Variants in SDK1 observed in about 807,000 individuals in gnomAD.
SDK1 encodes the protein protein sidekick-1.
A neutral mutation model predicts 245.5 loss-of-function variants in SDK1; 157 were observed. That is an observed-to-expected ratio of 0.64 (90% CI 0.56 to 0.73). The LOEUF (loss-of-function observed/expected upper bound fraction) is 0.73, where lower values mean the gene tolerates loss of function less well. SDK1 is among the 30% of genes least tolerant of loss of function. The pLI is 0.00. For synonymous variants in SDK1, 1,647 were observed against 1,278.5 expected (o/e 1.29, Z -6.15); for missense variants, 3,583 against 3,002.3 (o/e 1.19, Z -4.52).
In SDK1 at chr7:3,723,943, T is replaced by TAG. The variant is rs542853903; in HGVS notation, c.713+81872_713+81873dup. Among the ~76,000 whole-genome samples, 700 of 89,656 alleles carry TAG rather than the reference T, an allele frequency of 7.8e-3. 15 individuals carry two copies. The highest frequency in any genetic ancestry group is 0.013 in the South Asian group (35 of 2,618). 58.8% of individuals were successfully genotyped at this position (89,656 alleles called of 152,430 possible). ...ATACACGTATATATATATATATATA[T>TAG]AGAGAGAGAGAGAGAGAGAGAGAGA... On this transcript the variant is annotated intron_variant, in intron 4 of 44. Coordinates refer to ENST00000404826, the MANE Select transcript of SDK1 (RefSeq NM_152744.4).
intron 5 of SDK1, among the ~76,000 whole-genome samples, chr7:3,940,329 TGCTTCTGTATA>T (rs1231608166): frequency 6.6e-6 from 1 of 152,268 alleles, no homozygotes; most frequent in Non-Finnish European, 1.5e-5. Context: ...TCAGGACTTC[TGCTTCTGTATA>T]GCTCTGCATT....
chr7:3,916,640 CT>C (rs1458444569), intron 5 of SDK1, among the ~76,000 whole-genome samples: 1 of 152,194 alleles, frequency 6.6e-6, no homozygotes, highest in Non-Finnish European at 1.5e-5. Flanking sequence ...TTTGCCTGTA[CT>C]TTGCCTCTGT....
intron 5 of SDK1, among the ~76,000 whole-genome samples, chr7:3,914,237 G>C (rs772233785): frequency 1.3e-5 from 2 of 152,112 alleles, no homozygotes; most frequent in Non-Finnish European, 2.9e-5. Context: ...CATTATTACC[G>C]TACTTGCCTA....
chr7:3,989,084 C>G (rs7795699), intron 14 of SDK1, among the ~76,000 whole-genome samples: 69,922 of 152,146 alleles, frequency 0.46, 18,554 homozygotes, highest in African/African-American at 0.74. Flanking sequence ...ACGTAAGCTG[C>G]CGGCCTCCCT....
intron 22 of SDK1, among the ~76,000 whole-genome samples, chr7:4,100,846 C>CGGGTGAGAT (rs1011925513): frequency 6.6e-6 from 1 of 152,130 alleles, no homozygotes; most frequent in Non-Finnish European, 1.5e-5. Flanking sequence ...GAATTGGAGT[C>CGGGTGAGAT]GGGTGAGATG....
chr7:4,217,055 ACCACCCGGAGCACCAGG>A lies in SDK1; in HGVS notation c.5540-3038_5540-3022del, dbSNP rs1562445364. On this transcript the variant is annotated intron_variant, in intron 38 of 44. Transcript: ENST00000404826. Reference sequence around the variant, plus strand: ...AGCACCAGGCCACCCGGAGCACCACACCACCCGGAGCACCAGGCCACCCGGAGCACCACACCACCCGG... The same window carrying A: ...AGCACCAGGCCACCCGGAGCACCACACCACCCGGAGCACCACACCACCCGG... Among the ~76,000 whole-genome samples, 9 of 18,550 alleles carry A rather than the reference ACCACCCGGAGCACCAGG, an allele frequency of 4.9e-4. 1 individual carries two copies. The highest frequency in any genetic ancestry group is 4.1e-3 in the South Asian group (1 of 246). The allele number at this position is 18,550 out of a possible 152,430, so 12.2% of individuals were successfully genotyped here.
At chr7:4,246,126 TGCTCCAAG>T (rs1303691759) in intron 44 of SDK1, among the ~76,000 whole-genome samples, 1 of 152,156 alleles carries the variant, frequency 6.6e-6, no homozygotes, top group Non-Finnish European at 1.5e-5. Context: ...GCAGTCTAGA[TGCTCCAAG>T]GCTGATTGAT....
rs3086087 is a variant in SDK1 at position 3,626,927 on chromosome 7, A to AT, written c.458+7701dup. Among the ~76,000 whole-genome samples, 812 of 147,768 alleles carry AT rather than the reference A, an allele frequency of 5.5e-3. 5 individuals are homozygous for AT. The highest frequency in any genetic ancestry group is 0.017 in the African/African-American group (671 of 40,154). On this transcript the variant is annotated intron_variant, in intron 2 of 44. Transcript: ENST00000404826. ...TCATATCTTGACCTCAGGTTCAACA[A>AT]TTTTTTTTTTTTTATTTTGAGACGG... is the stretch of plus-strand genomic sequence containing the variant.
rs145055375 is a variant in SDK1 at position 4,235,326 on chromosome 7, G to C, written c.5992+1907G>C. ...TTACAAGCATGTGCCACCACGCCCG[G>C]CTAATTTTTGTATTTTTAGTAGATA... On this transcript the variant is annotated intron_variant, in intron 41 of 44. Coordinates refer to ENST00000404826, the MANE Select transcript of SDK1 (RefSeq NM_152744.4). Among the ~76,000 whole-genome samples the C allele has an allele frequency of 3.1e-3, 471 of 152,242 alleles. 7 individuals are homozygous for C. Among genetic ancestry groups the C allele is most frequent in the South Asian group, 3.7e-3 (18 of 4,822 alleles).
intron 44 of SDK1, among the ~76,000 whole-genome samples, chr7:4,253,684 A>G (rs942403192): frequency 5.3e-5 from 8 of 152,158 alleles, no homozygotes; most frequent in Non-Finnish European, 8.8e-5. Context: ...TTCTGTATGT[A>G]TGATCTTCTT....
rs137889885 is a variant in SDK1, at chr7:3,868,039, A to C, written c.847+46456A>C. On this transcript the variant is annotated intron_variant, in intron 5 of 44. Coordinates refer to ENST00000404826, the MANE Select transcript of SDK1 (RefSeq NM_152744.4). ...TAACTCGAGAGTCATTTTTGTTTGA[A>C]TGTTTCACGGAATGTTAATCCTGGC... Among the ~76,000 whole-genome samples the C allele has an allele frequency of 4.6e-3, 706 of 152,224 alleles. 3 individuals are homozygous for C. Among genetic ancestry groups the C allele is most frequent in the African/African-American group, 0.011 (449 of 41,520 alleles).
At chr7:3,545,127 C>T (rs1779177086) in intron 1 of SDK1, among the ~76,000 whole-genome samples, 1 of 152,236 alleles carries the variant, frequency 6.6e-6, no homozygotes, top group African/African-American at 2.4e-5. Flanking sequence ...AGGGCTGCTT[C>T]TGACCAAAGC....
intron 4 of SDK1, among the ~76,000 whole-genome samples, chr7:3,796,094 T>G (rs1778954867): frequency 6.6e-6 from 1 of 152,220 alleles, no homozygotes; most frequent in Admixed American, 6.5e-5. Flanking sequence ...CTTGATTTGC[T>G]TACAGGCATA....
At chr7:3,411,275 T>C (rs1779191714) in intron 1 of SDK1, among the ~76,000 whole-genome samples, 1 of 152,170 alleles carries the variant, frequency 6.6e-6, no homozygotes, top group Non-Finnish European at 1.5e-5. Context: ...TGCTATCAAG[T>C]GCTGCATGGA....
intron 3 of SDK1, among the ~76,000 whole-genome samples, chr7:3,640,423 G>A (rs933458631): frequency 6.6e-6 from 1 of 152,088 alleles, no homozygotes; most frequent in Non-Finnish European, 1.5e-5. Flanking sequence ...TGAGTGAAGT[G>A]GAGATGCTAT....
At chr7:3,952,198 T>C (rs1780889661) in intron 7 of SDK1, 1 of 446,044 alleles carries the variant, frequency 2.2e-6, no homozygotes, top group Non-Finnish European at 4.0e-6. Context: ...ACCCCTGTCA[T>C]ATAGATCCCT....
At chr7:3,725,297 C>A (rs1778976256) in intron 4 of SDK1, among the ~76,000 whole-genome samples, 1 of 152,116 alleles carries the variant, frequency 6.6e-6, no homozygotes, top group African/African-American at 2.4e-5. Flanking sequence ...GCACATGGAT[C>A]TCAGGACTTT....
At chr7:3,485,373 G>C (rs1781652792) in intron 1 of SDK1, among the ~76,000 whole-genome samples, 1 of 152,112 alleles carries the variant, frequency 6.6e-6, no homozygotes. Context: ...CGATTGAGTT[G>C]TTTGAGTTCA....
intron 5 of SDK1, among the ~76,000 whole-genome samples, chr7:3,930,505 G>A (rs1481688111): frequency 1.3e-5 from 2 of 152,220 alleles, no homozygotes; most frequent in African/African-American, 4.8e-5. Context: ...TTCCAGTAAT[G>A]AAAGATACAG....
Sources: gnomAD v4.1 joint callset for allele counts (sites outside exome capture counted in the v4.1 genomes callset) on GRCh38, gnomAD v4.1.1 for gene constraint, MANE v1.5 for transcripts, NCBI Gene and HGNC (gene_info 2026-07-23, HGNC 2026-07-21) for gene names.